The following CA4 variants were observed in gnomAD, a reference collection of about 807,000 sequenced individuals.
The protein encoded by CA4 is carbonic anhydrase 4.
In CA4, 24 loss-of-function variants were observed where a neutral mutation model predicts 34.5. That is an observed-to-expected ratio of 0.70 (90% CI 0.50 to 0.98). The LOEUF is 0.98. Ranked by LOEUF, CA4 falls within the 50% of genes least tolerant of loss-of-function variation. CA4 has a pLI of 0.00. For synonymous variants in CA4, 178 were observed against 170.6 expected (o/e 1.04, Z -0.34); for missense variants, 394 against 396.7 (o/e 0.99, Z 0.06).
At chr17:60,170,290 C>A (rs148535970) in intron 5 of CA4, among the ~76,000 whole-genome samples, 26 of 152,308 alleles carry the variant, frequency 1.7e-4, no homozygotes, top group African/African-American at 6.0e-4. Context: ...CCCGGTCTGG[C>A]AGGGGGCCAG....
chr17:60,178,140 T>C, the CA4 span, among the ~76,000 whole-genome samples: 15 of 152,314 alleles, frequency 9.8e-5, no homozygotes, highest in East Asian at 5.8e-4. Context: ...AAAACTAAAG[T>C]TGACTTCCTA....
Position 60,149,996 on chromosome 17 carries a change from G to T in CA4, c.-39G>T. On this transcript the variant is annotated 5_prime_UTR_variant, in exon 1 of 8. Coordinates refer to ENST00000300900, the MANE Select transcript of CA4 (RefSeq NM_000717.5). ...GCACCCGCGGCGGCCTCCTCGGTGC[G>T]CGACCCCCGGCTCAGAGGACTCTTT... 6.4e-7 allele frequency: 1 copy of T among 1,572,254 alleles called. No individual in the cohort carries two copies. The highest frequency in any genetic ancestry group is 8.7e-7 in the Non-Finnish European group (1 of 1,155,412).
intron 1 of CA4, among the ~76,000 whole-genome samples, chr17:60,150,481 T>C (rs191659373): frequency 1.3e-5 from 2 of 151,758 alleles, no homozygotes; most frequent in African/African-American, 4.8e-5. Context: ...GAGACCAGCA[T>C]GGCCAACATG....
chr17:60,155,523 A>ACT (rs1216768588), intron 2 of CA4, among the ~76,000 whole-genome samples, 156 bp downstream of exon 2: 1,575 of 146,316 alleles, frequency 0.011, 37 homozygotes, highest in African/African-American at 0.038. Flanking sequence ...ACACACACAC[A>ACT]CTCTCTCTCT....
intron 5 of CA4, among the ~76,000 whole-genome samples, chr17:60,169,179 G>A (rs112942041): frequency 0.038 from 5,713 of 151,286 alleles, 399 homozygotes; most frequent in African/African-American, 0.13. Context: ...CCTGGGAGGC[G>A]GAGGTTGCAG....
intron 3 of CA4, chr17:60,157,047 G>A (rs555638923): frequency 4.8e-5 from 25 of 518,010 alleles, no homozygotes; most frequent in South Asian, 4.5e-4. Context: ...GCCAGGCAGA[G>A]CCCAAGCAAG....
At chr17:60,178,013 T>C in the CA4 span, among the ~76,000 whole-genome samples, 6 of 152,046 alleles carry the variant, frequency 3.9e-5, no homozygotes, top group African/African-American at 1.4e-4. Context: ...TTTGTTCCAG[T>C]CTTGATTAGA....
At chr17:60,157,063 GGGGCAGCTGGGCTGGGGCCCAA>G (rs2083700002) in intron 3 of CA4, 1 of 516,240 alleles carries the variant, frequency 1.9e-6, no homozygotes, top group African/African-American at 1.9e-5. Context: ...GCAAGGCCCA[GGGGCAGCTGGGCTGGGGCCCAA>G]GGGCAGATCA....
In CA4 at chr17:60,158,455, G is replaced by C; in HGVS notation, c.744+9G>C. The C allele has an allele frequency of 6.2e-7, 1 of 1,613,266 alleles. No individual in the cohort carries two copies. Among genetic ancestry groups the C allele is most frequent in the Non-Finnish European group, 8.5e-7 (1 of 1,179,860 alleles). ...AGCTTCACAGAGAACAGGTGCACAG[G>C]GCCTGGGGCAGGGCATGGGCTCCCA... On this transcript the variant is annotated intron_variant, in intron 7 of 7. Transcript: ENST00000300900.
downstream of CA4, among the ~76,000 whole-genome samples, chr17:60,174,178 T>C (rs1482947505): frequency 6.6e-6 from 1 of 152,130 alleles, no homozygotes; most frequent in Non-Finnish European, 1.5e-5. Flanking sequence ...CTGAAAACTT[T>C]CGTTTACAGC....
intron 5 of CA4, among the ~76,000 whole-genome samples, chr17:60,168,600 G>A (rs2083882725): frequency 6.6e-6 from 1 of 151,696 alleles, no homozygotes. Flanking sequence ...GTGATTTTGT[G>A]GAAATACGAA....
chr17:60,159,865 C>A (rs1295668164), downstream of CA4, among the ~76,000 whole-genome samples: 3 of 152,326 alleles, frequency 2.0e-5, no homozygotes, highest in African/African-American at 7.2e-5. Flanking sequence ...TGGGGCCGGG[C>A]ATAGTGATTC....
intron 1 of CA4, chr17:60,151,589 T>A (rs1394884698): frequency 6.6e-6 from 1 of 152,230 alleles, no homozygotes; most frequent in Non-Finnish European, 1.5e-5. Context: ...TCAGGGGTTT[T>A]AAGCGTTTGA....
At chr17:60,169,718 T>C (rs1480416109) in intron 5 of CA4, among the ~76,000 whole-genome samples, 1 of 152,158 alleles carries the variant, frequency 6.6e-6, no homozygotes, top group Non-Finnish European at 1.5e-5. Context: ...CTCAATCTCC[T>C]GACCTCGTGA....
the CA4 span, among the ~76,000 whole-genome samples, chr17:60,178,171 T>C: frequency 6.6e-6 from 1 of 152,210 alleles, no homozygotes; most frequent in African/African-American, 2.4e-5. Flanking sequence ...TTTCATTAAA[T>C]ACACTTATGA....
chr17:60,157,359 C>G, intron 3 of CA4, 68 bp from the exon 4 acceptor site: 1 of 1,561,594 alleles, frequency 6.4e-7, no homozygotes, highest in East Asian at 2.3e-5. Flanking sequence ...CTGGGTGAAG[C>G]TGGGATGAAG....
At chr17:60,158,211 G>T in intron 6 of CA4, 72 bp from the exon 7 acceptor site, 1 of 1,606,208 alleles carries the variant, frequency 6.2e-7, no homozygotes, top group Non-Finnish European at 8.5e-7. Context: ...GGGGAGCTGG[G>T]CTCTCAGAGT....
the CA4 span, among the ~76,000 whole-genome samples, chr17:60,176,671 C>T: frequency 6.6e-6 from 1 of 152,140 alleles, no homozygotes; most frequent in Non-Finnish European, 1.5e-5. Flanking sequence ...GGGATGTGAG[C>T]CATGTTTAAA....
downstream of CA4, among the ~76,000 whole-genome samples, chr17:60,175,189 A>ATTTTTTTTTTTTTTTT (rs555031745): frequency 6.4e-4 from 69 of 107,612 alleles, 4 homozygotes; most frequent in Middle Eastern, 4.4e-3. Context: ...CACCCAGCTG[A>ATTTTTTTTTTTTTTTT]TTTTTTTTTT....
Sources: allele counts gnomAD v4.1 joint callset (sites outside exome capture counted in the v4.1 genomes callset), GRCh38; gene constraint gnomAD v4.1.1; transcripts MANE v1.5; gene names NCBI Gene and HGNC (gene_info 2026-07-23, HGNC 2026-07-21).